Variants in NPAS3 observed in about 807,000 individuals in gnomAD.
NPAS3 encodes neuronal PAS domain-containing protein 3.
A neutral mutation model predicts 73.1 loss-of-function variants in NPAS3; 14 were observed. The ratio of observed to expected loss-of-function variants is 0.19; its 90% CI spans 0.13 to 0.30. NPAS3 has a LOEUF of 0.30. Ranked by LOEUF, NPAS3 falls within the 10% of genes least tolerant of loss-of-function variation. The probability of loss-of-function intolerance (pLI) is 1.00; values close to 1 mark genes in which losing one functional copy is unlikely to be tolerated. For synonymous variants in NPAS3, 620 were observed against 541.5 expected, an observed-to-expected ratio of 1.14 and a Z score of -2.01; for missense variants, 1,096 against 1,250.0, an observed-to-expected ratio of 0.88 and a Z score of 1.86.
chr14:32,969,251 GA>G (rs2037320519), intron 1 of NPAS3, among the ~76,000 whole-genome samples: 1 of 152,060 alleles, frequency 6.6e-6, no homozygotes, highest in African/African-American at 2.4e-5. Flanking sequence ...ACCCAAACCA[GA>G]AGCTGTAGTC....
At chr14:33,221,806 A>G (rs916207903) in intron 3 of NPAS3, among the ~76,000 whole-genome samples, 1 of 152,168 alleles carries the variant, frequency 6.6e-6, no homozygotes, top group Middle Eastern at 3.2e-3. Context: ...GCCTTTGACT[A>G]TGTCATCATC....
chr14:33,512,335 C>T (rs1210719521), intron 4 of NPAS3, among the ~76,000 whole-genome samples: 1 of 151,978 alleles, frequency 6.6e-6, no homozygotes, highest in East Asian at 2.0e-4. Flanking sequence ...TTCCTGCCAA[C>T]TCACAGAAGT....
intron 4 of NPAS3, among the ~76,000 whole-genome samples, chr14:33,441,664 T>C (rs1490081870): frequency 1.3e-5 from 2 of 152,232 alleles, no homozygotes; most frequent in South Asian, 2.1e-4. Context: ...CTTGTATTAG[T>C]CTGTTCTGAT....
At chr14:32,988,987 T>C (rs1221973040) in intron 1 of NPAS3, among the ~76,000 whole-genome samples, 1 of 152,190 alleles carries the variant, frequency 6.6e-6, no homozygotes, top group African/African-American at 2.4e-5. Context: ...CTAGACATGG[T>C]ATCTGCCATC....
rs532187269 is a variant in NPAS3, at chr14:33,640,385, T to C, written c.559-35826T>C. 4.6e-5 allele frequency among the ~76,000 whole-genome samples: 7 copies of C among 152,312 alleles called. No homozygotes were observed. The South Asian group carries it at 1.5e-3, about 32-fold the overall frequency. On this transcript the variant is annotated intron_variant, in intron 5 of 11. Transcript: ENST00000356141. ...GAAGATCTACCTGAAGTCTATGCAG[T>C]GATCATCTTCACAATATGTTCTGAC... is the stretch of plus-strand genomic sequence containing the variant.
intron 3 of NPAS3, among the ~76,000 whole-genome samples, chr14:33,275,073 T>G (rs2041266596): frequency 6.6e-6 from 1 of 152,178 alleles, no homozygotes; most frequent in African/African-American, 2.4e-5. Context: ...AAAACATGCT[T>G]CTCTTTAAAG....
At chr14:33,655,403 A>G (rs781062409) in intron 5 of NPAS3, among the ~76,000 whole-genome samples, 6 of 141,112 alleles carry the variant, frequency 4.3e-5, no homozygotes, top group Middle Eastern at 8.4e-3. Context: ...CCAAGCATGC[A>G]TGTGGCTTTG....
At chr14:33,356,116 G>A (rs1206737462) in intron 3 of NPAS3, among the ~76,000 whole-genome samples, 1 of 152,164 alleles carries the variant, frequency 6.6e-6, no homozygotes, top group Non-Finnish European at 1.5e-5. Flanking sequence ...ATTAAAATAG[G>A]GAATACAGAG....
intron 5 of NPAS3, among the ~76,000 whole-genome samples, chr14:33,664,836 G>A (rs763463339): frequency 3.3e-5 from 5 of 152,154 alleles, no homozygotes; most frequent in African/African-American, 9.7e-5. Context: ...TTAGAATGGC[G>A]ATTATTAAAA....
rs540357940 is a variant in NPAS3 at position 33,085,236 on chromosome 14, A to G, written c.140+29242A>G. On this transcript the variant is annotated intron_variant, in intron 2 of 11. Coordinates refer to ENST00000356141, the Ensembl canonical transcript of NPAS3. ...TTTAAAAGAGAAACAAATCCTGTAT[A>G]GACAGGAGTGCTGTCAGTCATTAAT... 2.6e-5 allele frequency among the ~76,000 whole-genome samples: 4 copies of G among 152,374 alleles called. No individual in the cohort carries two copies. The East Asian group carries it at 7.7e-4, about 29-fold the overall frequency.
chr14:32,990,529 T>C (rs911955780), intron 1 of NPAS3, among the ~76,000 whole-genome samples: 1 of 152,180 alleles, frequency 6.6e-6, no homozygotes, highest in Non-Finnish European at 1.5e-5. Flanking sequence ...TTGAATGTTT[T>C]AGTAATAATG....
chr14:33,192,165 A>T (rs2046194238), intron 2 of NPAS3, among the ~76,000 whole-genome samples: 1 of 152,204 alleles, frequency 6.6e-6, no homozygotes, highest in Admixed American at 6.5e-5. Flanking sequence ...TTATGTGATC[A>T]CTTTAAACCT....
intron 3 of NPAS3, among the ~76,000 whole-genome samples, chr14:33,272,234 C>T (rs910552750): frequency 6.6e-6 from 1 of 152,246 alleles, no homozygotes; most frequent in Non-Finnish European, 1.5e-5. Flanking sequence ...AAGACTCAGT[C>T]GCTGTACATT....
chr14:33,620,416 T>C (rs1252668320), intron 5 of NPAS3, among the ~76,000 whole-genome samples: 2 of 152,146 alleles, frequency 1.3e-5, no homozygotes, highest in Admixed American at 1.3e-4. Flanking sequence ...TCACTTCTGT[T>C]CTTATACCCA....
At chr14:33,468,276 G>A (rs542404863) in intron 4 of NPAS3, among the ~76,000 whole-genome samples, 12 of 152,292 alleles carry the variant, frequency 7.9e-5, no homozygotes, top group African/African-American at 2.6e-4. Flanking sequence ...TTCATGGAAG[G>A]CAGAAAAGCT....
At chr14:33,787,211 AT>A (rs1377750335) in intron 9 of NPAS3, among the ~76,000 whole-genome samples, 17 of 152,280 alleles carry the variant, frequency 1.1e-4, no homozygotes, top group Admixed American at 1.1e-3. Context: ...AATTATTTTG[AT>A]TCTCCTTGTC....
At chr14:33,156,154 T>G (rs574540169) in intron 2 of NPAS3, among the ~76,000 whole-genome samples, 2 of 152,240 alleles carry the variant, frequency 1.3e-5, no homozygotes, top group Non-Finnish European at 2.9e-5. Context: ...CAATTATAGA[T>G]TTCATGGTAG....
intron 2 of NPAS3, among the ~76,000 whole-genome samples, chr14:33,165,747 T>C (rs184188684): frequency 6.6e-6 from 1 of 152,126 alleles, no homozygotes; most frequent in East Asian, 1.9e-4. Flanking sequence ...TTTGAAAGAA[T>C]GTGCACCATT....
intron 2 of NPAS3, among the ~76,000 whole-genome samples, chr14:33,197,657 T>C (rs2046421537): frequency 6.6e-6 from 1 of 152,156 alleles, no homozygotes; most frequent in South Asian, 2.1e-4. Context: ...AAAACAATGG[T>C]TCCAAAACTC....
Sources: gnomAD v4.1 joint callset for allele counts (sites outside exome capture counted in the v4.1 genomes callset) on GRCh38, gnomAD v4.1.1 for gene constraint, MANE v1.5 for transcripts, NCBI Gene and HGNC (gene_info 2026-07-23, HGNC 2026-07-21) for gene names.